The following SRCAP variants were observed in gnomAD, a reference collection of about 807,000 sequenced individuals.
The protein encoded by SRCAP is chromatin remodeling protein SRCAP.
Under a neutral mutation model 263.1 loss-of-function variants are expected in SRCAP, and 46 were observed. That is an observed-to-expected ratio of 0.17 (90% CI 0.14 to 0.22). The LOEUF (loss-of-function observed/expected upper bound fraction) is 0.22. SRCAP is among the 10% of genes least tolerant of loss of function. The probability of loss-of-function intolerance (pLI) is 1.00; values close to 1 mark genes in which losing one functional copy is unlikely to be tolerated. For missense variants in SRCAP, 3,695 were observed against 4,181.9 expected (o/e 0.88, Z 3.21); for synonymous variants, 1,813 against 1,662.1 (o/e 1.09, Z -2.21).
At chr16:30,734,693 T>C in intron 31 of SRCAP, 78 bp downstream of exon 31, 1 of 1,591,026 alleles carries the variant, frequency 6.3e-7, no homozygotes, top group Non-Finnish European at 8.6e-7. Flanking sequence ...CTGTTGAGCT[T>C]GTCCAGGGGA....
rs754355885 is a variant in SRCAP, at chr16:30,722,991, C to T, written c.3921C>T (p.Gly1307=). 1.7e-5 allele frequency: 27 copies of T among 1,613,346 alleles called. No individual in the cohort carries two copies. Among genetic ancestry groups the T allele is most frequent in the Non-Finnish European group, 2.2e-5 (26 of 1,179,596 alleles). ...CACCAACCATGGTGAATAATACAGG[C>T]GTGGTGAAGATTGTAGTGAGACAAG... is the stretch of plus-strand genomic sequence containing the variant. ...QVPPTMVNNT[G]VVKIVVRQAP... Residue 1307 remains glycine (G), a synonymous_variant, in exon 24 of 34, where the codon GGC becomes GGT. Transcript: ENST00000262518.
In SRCAP at chr16:30,723,595, G is replaced by A. The variant is rs1397113513; in HGVS notation, c.4171G>A (p.Gly1391Arg). The A allele has an allele frequency of 3.7e-6, 6 of 1,612,544 alleles. No homozygotes were observed. The highest frequency in any genetic ancestry group is 1.7e-5 in the Admixed American group (1 of 59,938). The change falls in exon 25 of 34, where the codon GGA becomes AGA. Residue 1391 changes from glycine to arginine, a missense_variant. Coordinates refer to ENST00000262518, the MANE Select transcript of SRCAP (RefSeq NM_006662.3). ...CTCTCTCTCCACAGCTTCAGCCCCCGGAGCTGCCCCCTTGACCATCTCTTC... is the reference window on the plus strand; with the variant it reads ...CTCTCTCTCCACAGCTTCAGCCCCCAGAGCTGCCCCCTTGACCATCTCTTC... ...PSPEVSASAPGAAPLTISSPL... is the reference protein window; with the variant it reads ...PSPEVSASAPRAAPLTISSPL...
At chr16:30,723,502 TG>T in intron 24 of SRCAP, 81 bp from the exon 25 acceptor site, 1 of 1,525,054 alleles carries the variant, frequency 6.6e-7, no homozygotes. Flanking sequence ...ATGGGAAGCT[TG>T]GGGGTATGGG....
Position 30,713,486 on chromosome 16 carries a change from A to G in SRCAP, c.2301-33A>G, listed in dbSNP as rs755821091. On this transcript the variant is annotated intron_variant, in intron 15 of 33. Coordinates refer to ENST00000262518, the MANE Select transcript of SRCAP (RefSeq NM_006662.3). ...TCAGAAGGTTGGGAGCTTGCTGACC[A>G]TACTCTCTCTGATTCTCTCTGTCTC... is the stretch of plus-strand genomic sequence containing the variant. 2.7e-5 allele frequency: 43 copies of G among 1,612,752 alleles called. No homozygotes were observed. In the Admixed American group the frequency reaches 5.5e-4, roughly 21 times the overall value.
Position 30,724,912 on chromosome 16 carries a change from G to A in SRCAP, c.5488G>A (p.Ala1830Thr). The change falls in exon 25 of 34, where the codon GCC (alanine) becomes ACC (threonine). Residue 1830 changes from alanine to threonine, a missense_variant. Transcript: ENST00000262518. The stretch of plus-strand genomic sequence containing the variant: ...TTCCCTTGTGGTTTCGGCATCTGGT[G>A]CCGCTCCCTTGCCTGTCACCATGGT... The part of the protein sequence containing the change: ...ASSLVVSASG[A>T]APLPVTMVSR... 6.2e-7 allele frequency: 1 copy of A among 1,614,174 alleles called. No individual in the cohort carries two copies. Among genetic ancestry groups the A allele is most frequent in the Non-Finnish European group, 8.5e-7 (1 of 1,180,038 alleles).
At position 30,722,694 on chromosome 16, in the gene SRCAP, C is replaced by T. The variant is rs1457236697; in HGVS notation, c.3838C>T (p.Pro1280Ser). The T allele has an allele frequency of 1.9e-6, 3 of 1,613,910 alleles. No homozygotes were observed. Among genetic ancestry groups the T allele is most frequent in the African/African-American group, 2.7e-5 (2 of 74,960 alleles). ...TPVSVLPSST[P>S]STTPAPTGLS... Reference sequence around the variant, plus strand: ...TGTCTCTGTGCTGCCTTCTTCGACCCCCAGCACCACCCCTGCCCCTACTGG... The same window carrying T: ...TGTCTCTGTGCTGCCTTCTTCGACCTCCAGCACCACCCCTGCCCCTACTGG... The change falls in exon 23 of 34, where the codon CCC becomes TCC. Residue 1280 changes from proline (P) to serine (S), a missense_variant. Coordinates refer to ENST00000262518, the MANE Select transcript of SRCAP (RefSeq NM_006662.3).
intron 18 of SRCAP, among the ~76,000 whole-genome samples, chr16:30,718,680 C>T (rs1030258562): frequency 6.6e-6 from 1 of 150,654 alleles, no homozygotes; most frequent in African/African-American, 2.4e-5. Context: ...CCACGTTGCC[C>T]AGCTGGTCTC....
chr16:30,722,604 C>T lies in SRCAP; in HGVS notation c.3748C>T (p.Leu1250Phe). 6.2e-7 allele frequency: 1 copy of T among 1,614,168 alleles called. No individual in the cohort carries two copies. The highest frequency in any genetic ancestry group is 2.2e-5 in the East Asian group (1 of 44,876). Residue 1250 changes from leucine to phenylalanine, a missense_variant, in exon 23 of 34, where the codon CTC becomes TTC. Physicochemically the swap from Leu to Phe is conservative, Grantham distance 22. Coordinates refer to ENST00000262518, the MANE Select transcript of SRCAP (RefSeq NM_006662.3). ...HLVSAGGQHH[L>F]ISQPAHVALI... ...CGTGTCAGCAGGGGGGCAGCACCAT[C>T]TCATCAGCCAGCCTGCCCATGTGGC...
chr16:30,712,138 A>T lies in SRCAP; in HGVS notation c.1796A>T (p.Tyr599Phe). Residue 599 changes from tyrosine (Y) to phenylalanine (F), a missense_variant, in exon 12 of 34, where the codon TAC (tyrosine) becomes TTC (phenylalanine). This residue lies in a region of SRCAP where 121 missense variants were observed against 330.7 expected (regional missense o/e 0.37). Coordinates refer to ENST00000262518, the MANE Select transcript of SRCAP (RefSeq NM_006662.3). ...GCTGAAAGTCTCCAGCCCAAGGGTT[A>T]CACGCTGGCCACGACCCAGGTATCC... is the stretch of plus-strand genomic sequence containing the variant. ...AAAESLQPKG[Y>F]TLATTQVKTP... 6.2e-7 allele frequency: 1 copy of T among 1,613,592 alleles called. No homozygotes were observed. Among genetic ancestry groups the T allele is most frequent in the East Asian group, 2.2e-5 (1 of 44,874 alleles).
In SRCAP at chr16:30,724,218, GGCTCCTTCTCCA is replaced by G; in HGVS notation, c.4801_4812del (p.Ser1601_Pro1604del). The G allele has an allele frequency of 6.2e-7, 1 of 1,613,876 alleles. No individual in the cohort carries two copies. The highest frequency in any genetic ancestry group is 8.5e-7 in the Non-Finnish European group (1 of 1,179,958). ...TGGCGGCTCCACAGACAGCAATTCTGGCTCCTTCTCCAGCTCCTCCTCTGGCTCCTCTTCCGG... is the reference window on the plus strand; with the variant it reads ...TGGCGGCTCCACAGACAGCAATTCTGGCTCCTCCTCTGGCTCCTCTTCCGG... On this transcript the variant is annotated inframe_deletion, in exon 25 of 34. Transcript: ENST00000262518.
At chr16:30,722,069 G>A in intron 21 of SRCAP, 53 bp from the exon 22 acceptor site, 1 of 1,575,780 alleles carries the variant, frequency 6.3e-7, no homozygotes, top group East Asian at 2.3e-5. Flanking sequence ...GGTCTGTGAA[G>A]TGGTGTTGAG....
intron 16 of SRCAP, among the ~76,000 whole-genome samples, chr16:30,714,786 T>C (rs6565199): frequency 0.97 from 147,478 of 151,922 alleles, 71,706 homozygotes; most frequent in South Asian, 1. Context: ...GGATTACAGG[T>C]GTGAGCCACC....
intron 4 of SRCAP, among the ~76,000 whole-genome samples, chr16:30,705,792 C>T (rs1418348827): frequency 6.6e-6 from 1 of 151,798 alleles, no homozygotes; most frequent in Non-Finnish European, 1.5e-5. Flanking sequence ...CTGCAAGCTC[C>T]GCCTCCTGGG....
chr16:30,703,971 T>C (rs577807397), intron 3 of SRCAP, 93 bp from the exon 4 acceptor site: 13 of 1,450,640 alleles, frequency 9.0e-6, no homozygotes, highest in South Asian at 6.9e-5. Flanking sequence ...CTCTACACAG[T>C]TTTTTCTTGT....
rs1393985706 is a variant in SRCAP at position 30,733,848 on chromosome 16, C to T, written c.6495-46C>T. The T allele has an allele frequency of 6.8e-6, 11 of 1,612,454 alleles. No individual in the cohort carries two copies. Among genetic ancestry groups the T allele is most frequent in the Non-Finnish European group, 9.3e-6 (11 of 1,178,928 alleles). On this transcript the variant is annotated intron_variant, in intron 29 of 33. Coordinates refer to ENST00000262518, the MANE Select transcript of SRCAP (RefSeq NM_006662.3). This position sits in a 1 kb window ranked among gnomAD's most constrained non-coding sequence, Gnocchi z 5.3. ...TACTTTCCGTTTACTGATGGGGTTTCCTGGATATATTTGGCTGCTTACACA... is the reference window on the plus strand; with the variant it reads ...TACTTTCCGTTTACTGATGGGGTTTTCTGGATATATTTGGCTGCTTACACA...
At chr16:30,708,234 A>G (rs1210497656) in intron 6 of SRCAP, among the ~76,000 whole-genome samples, 1 of 152,076 alleles carries the variant, frequency 6.6e-6, no homozygotes, top group East Asian at 1.9e-4. Context: ...TCTTGGACAG[A>G]GTCTTGCTGT....
rs755700498 is a variant in SRCAP at position 30,704,072 on chromosome 16, G to C, written c.63G>C (p.Ser21=). Residue 21 remains serine, a synonymous_variant, in exon 4 of 34, where the codon TCG becomes TCC. Coordinates refer to ENST00000262518, the MANE Select transcript of SRCAP (RefSeq NM_006662.3). ...QLPVLQTQMV[S]DGMTGSNPVS... is the part of the protein sequence containing the mutation. ...ATTTTCCTCTTTTCTAGATGGTGTC[G>C]GACGGCATGACAGGCAGCAATCCTG... 2 of 1,612,810 alleles carry C rather than the reference G, an allele frequency of 1.2e-6. No individual in the cohort carries two copies. Among genetic ancestry groups the C allele is most frequent in the Non-Finnish European group, 8.5e-7 (1 of 1,179,314 alleles).
intron 19 of SRCAP, 152 bp from the exon 20 acceptor site, chr16:30,720,561 T>A: frequency 9.2e-7 from 1 of 1,089,060 alleles, no homozygotes; most frequent in Non-Finnish European, 1.3e-6. Context: ...TTTCTGATTG[T>A]CTTAAATTCC....
rs1442930249 is a variant in SRCAP at position 30,720,107 on chromosome 16, T to C, written c.2818-55T>C. The stretch of plus-strand genomic sequence containing the variant: ...TAATGGCCTCCAGCTACATCTGCGT[T>C]GCAAAGGATGTGATTTTGTTCTTCT... On this transcript the variant is annotated intron_variant, in intron 18 of 33. Coordinates refer to ENST00000262518, the MANE Select transcript of SRCAP (RefSeq NM_006662.3). 3 of 1,565,686 alleles carry C rather than the reference T, an allele frequency of 1.9e-6. No homozygotes were observed. In the African/African-American group the frequency reaches 4.1e-5, roughly 21 times the overall value.
Sources: gnomAD v4.1 joint callset for allele counts (sites outside exome capture counted in the v4.1 genomes callset) on GRCh38, gnomAD v4.1.1 for gene constraint, gnomAD v4.1.1 regional missense constraint, Gnocchi (gnomAD v3.1) non-coding constraint, MANE v1.5 for transcripts, NCBI Gene and HGNC (gene_info 2026-07-23, HGNC 2026-07-21) for gene names.